ANKRD6: variants seen among roughly 807,000 people sequenced by gnomAD.
The protein encoded by ANKRD6 is ankyrin repeat domain-containing protein 6.
Under a neutral mutation model 82.3 loss-of-function variants are expected in ANKRD6, and 56 were observed. The ratio of observed to expected loss-of-function variants is 0.68; its 90% confidence interval spans 0.55 to 0.85. The LOEUF (loss-of-function observed/expected upper bound fraction) is 0.85, where lower values mean the gene tolerates loss of function less well. Ranked by LOEUF, ANKRD6 falls within the 40% of genes least tolerant of loss-of-function variation. The pLI, the probability that ANKRD6 is intolerant of heterozygous loss-of-function variation, is 0.00. For missense variants in ANKRD6, 852 were observed against 907.6 expected, an observed-to-expected ratio of 0.94 and a Z score of 0.79; for synonymous variants, 347 against 352.1, an observed-to-expected ratio of 0.99 and a Z score of 0.16.
At chr6:89,449,440 C>T (rs1772532741) in intron 1 of ANKRD6, among the ~76,000 whole-genome samples, 1 of 152,254 alleles carries the variant, frequency 6.6e-6, no homozygotes, top group South Asian at 2.1e-4. Flanking sequence ...GTGAAAGTTG[C>T]AGATACCAGA....
intron 2 of ANKRD6, among the ~76,000 whole-genome samples, chr6:89,591,782 C>T (rs1316941603): frequency 2.6e-5 from 4 of 152,178 alleles, no homozygotes; most frequent in Admixed American, 2.0e-4. Flanking sequence ...AGCCCCAGGA[C>T]GGAGGAGACA....
intron 1 of ANKRD6, among the ~76,000 whole-genome samples, chr6:89,495,321 A>G (rs1778480090): frequency 6.6e-6 from 1 of 151,006 alleles, no homozygotes; most frequent in African/African-American, 2.5e-5. Flanking sequence ...TGACTCGGGG[A>G]GCACTGGTCC....
rs182025798 is a variant in ANKRD6 at position 89,631,839 on chromosome 6, T to C, written c.*835T>C. ...AATTATATCAGAATACCTTTCTGAATTTGAGATTTTTGCTCTACATTTTAT... is the reference window on the plus strand; with the variant it reads ...AATTATATCAGAATACCTTTCTGAACTTGAGATTTTTGCTCTACATTTTAT... On this transcript the variant is annotated 3_prime_UTR_variant, in exon 16 of 16. Transcript: ENST00000339746. 163 of 152,354 alleles carry C rather than the reference T, an allele frequency of 1.1e-3. No individual in the cohort carries two copies. The highest frequency in any genetic ancestry group is 3.8e-3 in the African/African-American group (157 of 41,586). The allele number at this position is 152,354 out of a possible 1,614,324, so 9.4% of individuals were successfully genotyped here.
intron 1 of ANKRD6, among the ~76,000 whole-genome samples, chr6:89,487,300 A>G (rs1002882580): frequency 6.6e-6 from 1 of 152,232 alleles, no homozygotes; most frequent in Admixed American, 6.5e-5. Context: ...CACCATGATT[A>G]TATGACCATA....
Position 89,630,762 on chromosome 6 carries a change from G to C in ANKRD6, c.1942G>C (p.Ala648Pro). The C allele has an allele frequency of 6.2e-7, 1 of 1,613,924 alleles. No homozygotes were observed. ...CAGCACCTGTGGGCAGCCGCCACCA[G>C]CCACAGGCAGCGAGCAGACTGGCCC... ...ASSTCGQPPP[A>P]TGSEQTGPHI... The change falls in exon 16 of 16, where the codon GCC becomes CCC. Residue 648 changes from alanine (A) to proline (P), a missense_variant. Physicochemically the swap from Ala to Pro is conservative, Grantham distance 27 (BLOSUM62 -1). Transcript: ENST00000339746.
intron 2 of ANKRD6, among the ~76,000 whole-genome samples, chr6:89,579,791 T>C (rs1029524723): frequency 2.9e-5 from 4 of 140,100 alleles, no homozygotes; most frequent in Non-Finnish European, 4.6e-5. Context: ...CTAAATGAGA[T>C]GACAAAGTGT....
At chr6:89,470,790 C>T (rs1032899973) in intron 1 of ANKRD6, among the ~76,000 whole-genome samples, 1 of 151,836 alleles carries the variant, frequency 6.6e-6, no homozygotes, top group Non-Finnish European at 1.5e-5. Context: ...AGGATAAATT[C>T]TTAGAAGTGA....
In ANKRD6 at chr6:89,603,122, G is replaced by T. The variant is rs1797621722; in HGVS notation, c.313G>T (p.Asp105Tyr). 6.2e-7 allele frequency: 1 copy of T among 1,600,756 alleles called. No homozygotes were observed. The highest frequency in any genetic ancestry group is 8.5e-7 in the Non-Finnish European group (1 of 1,174,108). Residue 105 changes from aspartate (D) to tyrosine (Y), a missense_variant, in exon 4 of 16, where the codon GAC (aspartate) becomes TAC (tyrosine). Physicochemically the swap from Asp to Tyr is radical, Grantham distance 160 (BLOSUM62 -3). Coordinates refer to ENST00000339746, the MANE Select transcript of ANKRD6 (RefSeq NM_001242809.2). Reference sequence around the variant, plus strand: ...CGAAGGGTGTGCCCTGGACAGACAAGACAAGGTGAGTGGACACTGAGCTTC... The same window carrying T: ...CGAAGGGTGTGCCCTGGACAGACAATACAAGGTGAGTGGACACTGAGCTTC... ...IHEGCALDRQDKDGNTALHEA... is the reference protein window; with the variant it reads ...IHEGCALDRQYKDGNTALHEA...
chr6:89,462,915 C>G (rs1362906586), intron 1 of ANKRD6, among the ~76,000 whole-genome samples: 2 of 149,832 alleles, frequency 1.3e-5, no homozygotes, highest in East Asian at 3.9e-4. Context: ...TGTTACCCAG[C>G]CTGAAATGCA....
At chr6:89,571,453 A>C (rs892147666) in intron 2 of ANKRD6, among the ~76,000 whole-genome samples, 2 of 152,116 alleles carry the variant, frequency 1.3e-5, no homozygotes, top group Admixed American at 1.3e-4. Flanking sequence ...TCATCTTTGG[A>C]GAAATGGCTA....
chr6:89,533,544 C>T (rs1783448044), intron 1 of ANKRD6, among the ~76,000 whole-genome samples: 1 of 152,116 alleles, frequency 6.6e-6, no homozygotes, highest in Non-Finnish European at 1.5e-5. Context: ...TTCTCTGGAC[C>T]ATCTTCAGTA....
At chr6:89,471,319 T>C (rs1465973840) in intron 1 of ANKRD6, among the ~76,000 whole-genome samples, 1 of 138,816 alleles carries the variant, frequency 7.2e-6, no homozygotes, top group Non-Finnish European at 1.5e-5. Flanking sequence ...CACTCCAGCC[T>C]GGGTGATGGA....
chr6:89,528,344 G>A (rs1782760316), intron 1 of ANKRD6, among the ~76,000 whole-genome samples: 1 of 152,182 alleles, frequency 6.6e-6, no homozygotes, highest in South Asian at 2.1e-4. Context: ...ATCTTCACCA[G>A]GAGTAGATTT....
At chr6:89,629,394 A>G (rs1334198516) in intron 15 of ANKRD6, 156 bp downstream of exon 15, 1 of 1,016,844 alleles carries the variant, frequency 9.8e-7, no homozygotes, top group East Asian at 2.6e-5. Flanking sequence ...TTTGCTCGTA[A>G]CCATATACTC....
At position 89,522,837 on chromosome 6, in the gene ANKRD6, TC is replaced by T. The variant is rs561064485; in HGVS notation, c.-143-43995del. 3.6e-4 allele frequency among the ~76,000 whole-genome samples: 55 copies of T among 152,276 alleles called. No homozygotes were observed. In the South Asian group the frequency reaches 0.011, roughly 31 times the overall value. On this transcript the variant is annotated intron_variant, in intron 1 of 15. Transcript: ENST00000339746. ...CCCTACCCATTTAGATTTGCACTCTTCCTGGTCTCAGGCATCTGACACCAAC... is the reference window on the plus strand; with the variant it reads ...CCCTACCCATTTAGATTTGCACTCTTCTGGTCTCAGGCATCTGACACCAAC...
intron 1 of ANKRD6, among the ~76,000 whole-genome samples, chr6:89,544,275 G>T (rs1314051656): frequency 5.9e-5 from 9 of 152,202 alleles, no homozygotes; most frequent in Non-Finnish European, 1.3e-4. Context: ...CCATCCCAAT[G>T]TCCGCAGACC....
intron 1 of ANKRD6, among the ~76,000 whole-genome samples, chr6:89,548,021 C>G (rs1008304279): frequency 6.6e-6 from 1 of 152,106 alleles, no homozygotes; most frequent in Admixed American, 6.5e-5. Flanking sequence ...TGCCCCAACA[C>G]CTAAATAGAA....
At chr6:89,546,131 T>C (rs1785068516) in intron 1 of ANKRD6, among the ~76,000 whole-genome samples, 2 of 152,208 alleles carry the variant, frequency 1.3e-5, no homozygotes, top group East Asian at 3.9e-4. Context: ...TAACCATCTA[T>C]CAGAGAGATA....
chr6:89,471,939 CAAAAAAAAAA>C (rs749607605), intron 1 of ANKRD6, among the ~76,000 whole-genome samples: 6 of 52,604 alleles, frequency 1.1e-4, no homozygotes, highest in Admixed American at 5.2e-4. Flanking sequence ...AACTCCATCT[CAAAAAAAAAA>C]AAAAAAAAAA....
Sources: gnomAD v4.1 joint callset for allele counts (sites outside exome capture counted in the v4.1 genomes callset) on GRCh38, gnomAD v4.1.1 for gene constraint, MANE v1.5 for transcripts, NCBI Gene and HGNC (gene_info 2026-07-23, HGNC 2026-07-21) for gene names.